Variants in NXPH1 observed in about 807,000 individuals in gnomAD.
NXPH1 encodes the protein neurexophilin 1.
A neutral mutation model predicts 23.7 loss-of-function variants in NXPH1; 5 were observed. That is an observed-to-expected ratio of 0.21 (90% confidence interval 0.11 to 0.44). NXPH1 has a LOEUF of 0.44. Among genes scored for constraint, NXPH1 ranks in the 20% least tolerant of loss-of-function variants. The probability of loss-of-function intolerance (pLI) is 0.99; values close to 1 mark genes in which losing one functional copy is unlikely to be tolerated. For synonymous variants in NXPH1, 144 were observed against 122.2 expected, an observed-to-expected ratio of 1.18 and a Z score of -1.18; for missense variants, 324 against 321.6, an observed-to-expected ratio of 1.01 and a Z score of -0.06.
chr7:8,649,992 A>G (rs980767406), intron 2 of NXPH1, among the ~76,000 whole-genome samples: 2 of 151,172 alleles, frequency 1.3e-5, no homozygotes, highest in Non-Finnish European at 2.9e-5. Flanking sequence ...TGAATTGGAC[A>G]TTGGACAGTT....
At chr7:8,749,937 C>A (rs991518256) in intron 2 of NXPH1, among the ~76,000 whole-genome samples, 2 of 152,126 alleles carry the variant, frequency 1.3e-5, no homozygotes, top group Admixed American at 6.5e-5. Flanking sequence ...TCTTCTGTAT[C>A]TCTGTGCAGT....
At chr7:8,703,795 T>C (rs375331061) in intron 2 of NXPH1, among the ~76,000 whole-genome samples, 2 of 152,064 alleles carry the variant, frequency 1.3e-5, no homozygotes, top group African/African-American at 2.4e-5. Context: ...TATTCCTTAT[T>C]ATTGCGGGCC....
At chr7:8,687,618 T>A (rs1821167648) in intron 2 of NXPH1, among the ~76,000 whole-genome samples, 1 of 152,140 alleles carries the variant, frequency 6.6e-6, no homozygotes, top group African/African-American at 2.4e-5. Context: ...CCTTTGCACA[T>A]AGGAGCAAAG....
intron 2 of NXPH1, among the ~76,000 whole-genome samples, chr7:8,449,029 A>G (rs1816457665): frequency 1.3e-5 from 2 of 152,244 alleles, no homozygotes; most frequent in Non-Finnish European, 2.9e-5. Context: ...TTTGCTTTAA[A>G]TTACTTTTAA....
intron 2 of NXPH1, among the ~76,000 whole-genome samples, chr7:8,627,013 C>T (rs1583202915): frequency 6.6e-6 from 1 of 152,080 alleles, no homozygotes; most frequent in African/African-American, 2.4e-5. Context: ...TGACTTTATG[C>T]CCCCACCTTG....
intron 2 of NXPH1, among the ~76,000 whole-genome samples, chr7:8,585,292 G>A (rs1818957906): frequency 6.6e-6 from 1 of 152,162 alleles, no homozygotes. Context: ...GCCCAGCTCT[G>A]CCTGTGGGGT....
At chr7:8,467,175 C>T (rs1398832253) in intron 2 of NXPH1, among the ~76,000 whole-genome samples, 1 of 152,182 alleles carries the variant, frequency 6.6e-6, no homozygotes, top group East Asian at 1.9e-4. Context: ...TCCGTCACTA[C>T]TTTGGGTCTC....
At chr7:8,616,986 G>A (rs1819757038) in intron 2 of NXPH1, among the ~76,000 whole-genome samples, 1 of 152,060 alleles carries the variant, frequency 6.6e-6, no homozygotes, top group East Asian at 1.9e-4. Context: ...TGGGCCACTG[G>A]CTTCAGTGGA....
In NXPH1 at chr7:8,478,566, C is replaced by T. The variant is rs538509545; in HGVS notation, c.54+42799C>T. ...TAATGGAAATTTCTGAAGAAATAAA[C>T]CAAGAGAACAGAACAAATTCTAAAA... On this transcript the variant is annotated intron_variant, in intron 2 of 2. Coordinates refer to ENST00000405863, the MANE Select transcript of NXPH1 (RefSeq NM_152745.3). Among the ~76,000 whole-genome samples, 8 of 151,860 alleles carry T rather than the reference C, an allele frequency of 5.3e-5. No individual in the cohort carries two copies. In the East Asian group the frequency reaches 1.4e-3, roughly 26 times the overall value.
chr7:8,696,384 TAC>T (rs1779506655), intron 2 of NXPH1, among the ~76,000 whole-genome samples: 1 of 152,202 alleles, frequency 6.6e-6, no homozygotes, highest in Non-Finnish European at 1.5e-5. Context: ...TCATGGGTCT[TAC>T]ATTCTGAGGA....
chr7:8,709,711 G>A (rs1350610188), intron 2 of NXPH1, among the ~76,000 whole-genome samples: 1 of 152,094 alleles, frequency 6.6e-6, no homozygotes, highest in East Asian at 1.9e-4. Context: ...GAGAACACTG[G>A]TGAATATGAG....
At chr7:8,579,483 C>G (rs1262761791) in intron 2 of NXPH1, among the ~76,000 whole-genome samples, 1 of 151,868 alleles carries the variant, frequency 6.6e-6, no homozygotes, top group Non-Finnish European at 1.5e-5. Flanking sequence ...AGCAATTCTC[C>G]TGCTTCAGTC....
At chr7:8,668,028 C>T (rs1057094097) in intron 2 of NXPH1, among the ~76,000 whole-genome samples, 6 of 150,578 alleles carry the variant, frequency 4.0e-5, no homozygotes, top group African/African-American at 1.5e-4. Context: ...TTATATTTTC[C>T]AGCTCCGGGA....
At chr7:8,633,527 A>G (rs1329549949) in intron 2 of NXPH1, among the ~76,000 whole-genome samples, 3 of 152,200 alleles carry the variant, frequency 2.0e-5, no homozygotes, top group South Asian at 2.1e-4. Flanking sequence ...GTGACAACCG[A>G]ATTTCTCAGT....
chr7:8,497,149 A>G (rs551644395), intron 2 of NXPH1, among the ~76,000 whole-genome samples: 1 of 152,216 alleles, frequency 6.6e-6, no homozygotes, highest in African/African-American at 2.4e-5. Flanking sequence ...TCTCAGAATG[A>G]TGGTTTCCAG....
At chr7:8,566,305 A>G (rs563279473) in intron 2 of NXPH1, among the ~76,000 whole-genome samples, 1 of 151,874 alleles carries the variant, frequency 6.6e-6, no homozygotes, top group African/African-American at 2.4e-5. Context: ...CCAAAATTAA[A>G]CCTGTTGTTT....
intron 2 of NXPH1, among the ~76,000 whole-genome samples, chr7:8,739,504 G>A (rs1168602081): frequency 6.6e-6 from 1 of 152,064 alleles, no homozygotes; most frequent in African/African-American, 2.4e-5. Context: ...CCTGTGAGAT[G>A]AGCTGCGTAC....
intron 2 of NXPH1, among the ~76,000 whole-genome samples, chr7:8,707,094 A>C (rs1779717485): frequency 6.6e-6 from 1 of 152,300 alleles, no homozygotes; most frequent in Admixed American, 6.5e-5. Context: ...ATTATTGACT[A>C]TATTAGTTTG....
At chr7:8,743,021 AATGTCAGTGAT>A (rs1224467524) in intron 2 of NXPH1, among the ~76,000 whole-genome samples, 2 of 152,140 alleles carry the variant, frequency 1.3e-5, no homozygotes, top group Non-Finnish European at 2.9e-5. Flanking sequence ...TGCTAATTAC[AATGTCAGTGAT>A]ATAGTGTGCC....
Sources: gnomAD v4.1 joint callset for allele counts (sites outside exome capture counted in the v4.1 genomes callset) on GRCh38, gnomAD v4.1.1 for gene constraint, MANE v1.5 for transcripts, NCBI Gene and HGNC (gene_info 2026-07-23, HGNC 2026-07-21) for gene names.